Variants in TIAM2 observed in about 807,000 individuals in gnomAD.
TIAM2 encodes the protein rho guanine nucleotide exchange factor TIAM2.
TIAM2 carries 80 observed loss-of-function variants against 152.9 expected under a neutral mutation model. The observed-to-expected ratio is 0.52, with a 90% CI of 0.44 to 0.63. TIAM2 has a LOEUF of 0.63. TIAM2 is among the 30% of genes least tolerant of loss of function. The pLI is 0.00. For synonymous variants in TIAM2, 804 were observed against 838.0 expected, an observed-to-expected ratio of 0.96 and a Z score of 0.70; for missense variants, 1,965 against 2,120.1, an observed-to-expected ratio of 0.93 and a Z score of 1.44.
intron 15 of TIAM2, among the ~76,000 whole-genome samples, chr6:155,232,376 C>T (rs1782516129): frequency 6.6e-6 from 1 of 152,148 alleles, no homozygotes; most frequent in African/African-American, 2.4e-5. Context: ...GTAGTGCAGC[C>T]TCCCCATGCC....
intron 1 of TIAM2, among the ~76,000 whole-genome samples, chr6:155,009,271 T>C (rs1261917223): frequency 6.6e-6 from 1 of 151,300 alleles, no homozygotes; most frequent in Non-Finnish European, 1.5e-5. Flanking sequence ...CTGGCTAGGT[T>C]TTGTATTTTT....
rs143643638 is a variant in TIAM2 at position 155,129,188 on chromosome 6, G to T, written c.-6-30G>T. ...ATAATGGAATGTAATTTAGGCCACG[G>T]TCTTACTGATGCAACTGTTCTTAAT... On this transcript the variant is annotated intron_variant, in intron 3 of 26. Transcript: ENST00000682666. The surrounding 1 kb of genome is among the most constrained non-coding windows in gnomAD (Gnocchi z 4.8). The T allele has an allele frequency of 5.0e-6, 8 of 1,592,512 alleles. No homozygotes were observed. In the East Asian group the frequency reaches 1.8e-4, roughly 36 times the overall value.
chr6:155,244,580 T>C (rs1352002447), intron 17 of TIAM2, 78 bp from the exon 18 acceptor site: 4 of 1,502,406 alleles, frequency 2.7e-6, no homozygotes, highest in Non-Finnish European at 3.6e-6. Flanking sequence ...TTGTGATTTA[T>C]TTGTGGGCCT....
chr6:155,033,609 A>G (rs909048397), intron 1 of TIAM2, among the ~76,000 whole-genome samples: 6 of 151,968 alleles, frequency 3.9e-5, no homozygotes, highest in Non-Finnish European at 8.8e-5. Context: ...TGCCCCAGAA[A>G]TATTTCACAC....
At chr6:155,000,011 A>G (rs1206069359) in intron 1 of TIAM2, among the ~76,000 whole-genome samples, 1 of 152,150 alleles carries the variant, frequency 6.6e-6, no homozygotes, top group Non-Finnish European at 1.5e-5. Flanking sequence ...GTTGTTACAA[A>G]GATCAAATGA....
intron 1 of TIAM2, among the ~76,000 whole-genome samples, chr6:155,037,557 C>T (rs903384419): frequency 2.0e-5 from 3 of 152,034 alleles, no homozygotes; most frequent in African/African-American, 7.2e-5. Context: ...GAGACAGAGC[C>T]TCACTCTGTC....
intron 15 of TIAM2, among the ~76,000 whole-genome samples, chr6:155,234,004 G>A (rs9718229): frequency 6.9e-6 from 1 of 144,486 alleles, no homozygotes; most frequent in African/African-American, 2.6e-5. Flanking sequence ...AATTTTTTTT[G>A]GGGGGGGGTT....
chr6:155,173,139 C>T (rs901850601), intron 9 of TIAM2, among the ~76,000 whole-genome samples: 2 of 150,418 alleles, frequency 1.3e-5, no homozygotes, highest in African/African-American at 4.9e-5. Flanking sequence ...CCAGGTTTTA[C>T]TTTTCTTGAA....
At chr6:155,230,697 T>G (rs186585294) in intron 15 of TIAM2, among the ~76,000 whole-genome samples, 1 of 152,172 alleles carries the variant, frequency 6.6e-6, no homozygotes. Flanking sequence ...AGCCAAAAGA[T>G]TAAAATAACT....
At chr6:155,148,011 A>C in intron 6 of TIAM2, 99 bp from the exon 7 acceptor site, 1 of 1,178,702 alleles carries the variant, frequency 8.5e-7, no homozygotes. Flanking sequence ...CAGTGCAAGT[A>C]CTTCTTGGGT....
intron 2 of TIAM2, among the ~76,000 whole-genome samples, chr6:155,103,411 G>A (rs1438681978): frequency 6.6e-5 from 10 of 151,874 alleles, no homozygotes; most frequent in Non-Finnish European, 1.5e-4. Flanking sequence ...GGTCAGAATT[G>A]TTTTAAGAAA....
At chr6:155,076,940 C>T (rs1736462076) in intron 1 of TIAM2, among the ~76,000 whole-genome samples, 1 of 152,228 alleles carries the variant, frequency 6.6e-6, no homozygotes, top group African/African-American at 2.4e-5. Flanking sequence ...GGATGATCCA[C>T]CCTCCTCGGC....
At chr6:155,074,261 A>C (rs1777904677) in intron 1 of TIAM2, among the ~76,000 whole-genome samples, 1 of 152,214 alleles carries the variant, frequency 6.6e-6, no homozygotes, top group Non-Finnish European at 1.5e-5. Context: ...TCCTTTGTAA[A>C]ATAGTGCACC....
At chr6:155,070,948 G>A (rs915360357) in intron 1 of TIAM2, among the ~76,000 whole-genome samples, 7 of 152,130 alleles carry the variant, frequency 4.6e-5, no homozygotes, top group African/African-American at 9.7e-5. Flanking sequence ...AAAGTGGGTC[G>A]TTCACTTGAG....
intron 1 of TIAM2, among the ~76,000 whole-genome samples, chr6:155,007,211 C>T (rs941748065): frequency 6.6e-6 from 1 of 152,146 alleles, no homozygotes; most frequent in Non-Finnish European, 1.5e-5. Flanking sequence ...CTTTTCCCTG[C>T]ATGATGCCCC....
At chr6:155,207,085 C>A (rs1354395901) in intron 14 of TIAM2, among the ~76,000 whole-genome samples, 2 of 152,090 alleles carry the variant, frequency 1.3e-5, no homozygotes, top group Admixed American at 6.5e-5. Flanking sequence ...CTGGGAGGGG[C>A]AGGATATACT....
chr6:155,222,903 T>C (rs1782106306), intron 15 of TIAM2, among the ~76,000 whole-genome samples: 1 of 152,200 alleles, frequency 6.6e-6, no homozygotes, highest in East Asian at 1.9e-4. Flanking sequence ...TTCGGTCGTT[T>C]ATTGTCCTTC....
chr6:155,067,737 C>G (rs1266793818), intron 1 of TIAM2, among the ~76,000 whole-genome samples: 2 of 152,096 alleles, frequency 1.3e-5, no homozygotes, highest in Admixed American at 6.6e-5. Context: ...ACCTCCCTGG[C>G]TCAGGTGGTC....
At chr6:155,124,172 T>C (rs563910032) in intron 2 of TIAM2, among the ~76,000 whole-genome samples, 67 of 151,544 alleles carry the variant, frequency 4.4e-4, no homozygotes, top group African/African-American at 1.5e-3. Flanking sequence ...GTGTGTGCCC[T>C]CACACTCAGC....
Sources: allele counts gnomAD v4.1 joint callset (sites outside exome capture counted in the v4.1 genomes callset), GRCh38; gene constraint gnomAD v4.1.1; non-coding constraint Gnocchi (gnomAD v3.1); transcripts MANE v1.5; gene names NCBI Gene and HGNC (gene_info 2026-07-23, HGNC 2026-07-21).